Variants in CAMTA1 observed in about 807,000 individuals in gnomAD.
CAMTA1 encodes the protein calmodulin binding transcription activator 1, also known as calmodulin-binding transcription activator 1.
A neutral mutation model predicts 170.9 loss-of-function variants in CAMTA1; 27 were observed. The ratio of observed to expected loss-of-function variants is 0.16; its 90% CI spans 0.12 to 0.22. The LOEUF is 0.22. CAMTA1 is among the 10% of genes least tolerant of loss of function. The probability of loss-of-function intolerance (pLI) is 1.00; values close to 1 mark genes in which losing one functional copy is unlikely to be tolerated. For missense variants in CAMTA1, 1,619 were observed against 2,217.2 expected (o/e 0.73, Z 5.42); for synonymous variants, 833 against 891.5 (o/e 0.93, Z 1.17).
intron 3 of CAMTA1, among the ~76,000 whole-genome samples, chr1:6,931,185 G>A (rs1244784009): frequency 1.3e-5 from 2 of 152,194 alleles, no homozygotes; most frequent in Non-Finnish European, 2.9e-5. Context: ...CCCCTAGGGA[G>A]CTTACTTTTA....
At chr1:7,729,396 G>A (rs946114545) in intron 11 of CAMTA1, among the ~76,000 whole-genome samples, 1 of 152,128 alleles carries the variant, frequency 6.6e-6, no homozygotes, top group South Asian at 2.1e-4. Context: ...GATTACAGGC[G>A]TGAGCCACCT....
chr1:7,324,638 T>G (rs918196196), intron 5 of CAMTA1, among the ~76,000 whole-genome samples: 1 of 151,950 alleles, frequency 6.6e-6, no homozygotes, highest in Admixed American at 6.6e-5. Flanking sequence ...TGAAACCCCA[T>G]CTCTACTAAA....
intron 5 of CAMTA1, among the ~76,000 whole-genome samples, chr1:7,310,755 C>T (rs1676602727): frequency 1.4e-5 from 2 of 139,920 alleles, no homozygotes; most frequent in African/African-American, 2.7e-5. Context: ...TTTTTTAAGA[C>T]AGTCTTGCTC....
chr1:7,400,901 G>C (rs1313263572), intron 5 of CAMTA1, among the ~76,000 whole-genome samples: 1 of 152,154 alleles, frequency 6.6e-6, no homozygotes, highest in East Asian at 1.9e-4. Flanking sequence ...ATATATTCTA[G>C]ATACAAGTCA....
intron 6 of CAMTA1, among the ~76,000 whole-genome samples, chr1:7,479,022 G>A (rs1226391344): frequency 6.6e-6 from 1 of 152,218 alleles, no homozygotes; most frequent in East Asian, 1.9e-4. Flanking sequence ...TGCAGTGGAA[G>A]ACGTGGGCGG....
chr1:6,914,757 G>A (rs938557817), intron 3 of CAMTA1, among the ~76,000 whole-genome samples: 4 of 152,214 alleles, frequency 2.6e-5, no homozygotes, highest in Admixed American at 6.5e-5. Context: ...GGGCTGAGGC[G>A]CTCATGTGGC....
intron 3 of CAMTA1, among the ~76,000 whole-genome samples, chr1:6,901,442 C>T (rs1174049131): frequency 1.3e-5 from 2 of 152,096 alleles, no homozygotes; most frequent in Admixed American, 6.5e-5. Flanking sequence ...AATGAAAAAA[C>T]AAGCCACAGA....
intron 3 of CAMTA1, among the ~76,000 whole-genome samples, chr1:6,841,829 C>A (rs190626169): frequency 6.6e-6 from 1 of 152,286 alleles, no homozygotes; most frequent in Admixed American, 6.5e-5. Context: ...TTTAATAGAA[C>A]AGCAGAAGGT....
rs1406042372 is a variant in CAMTA1 at position 7,562,256 on chromosome 1, A to G, written c.511-78144A>G. Among the ~76,000 whole-genome samples the G allele has an allele frequency of 1.3e-5, 2 of 152,184 alleles. No homozygotes were observed. Among genetic ancestry groups the G allele is most frequent in the Non-Finnish European group, 2.9e-5 (2 of 68,026 alleles). On this transcript the variant is annotated intron_variant, in intron 6 of 22. Coordinates refer to ENST00000303635, the MANE Select transcript of CAMTA1 (RefSeq NM_015215.4). The surrounding 1 kb of genome is among the most constrained non-coding windows in gnomAD (Gnocchi z 4.8). Reference sequence around the variant, plus strand: ...AACTTTAAAGAATGTGTGTTAGACAACTGTCACTCAGCATATTTGATGGTG... The same window carrying G: ...AACTTTAAAGAATGTGTGTTAGACAGCTGTCACTCAGCATATTTGATGGTG...
chr1:7,020,989 A>G (rs1044682651), intron 3 of CAMTA1, among the ~76,000 whole-genome samples: 1 of 152,250 alleles, frequency 6.6e-6, no homozygotes, highest in East Asian at 1.9e-4. Flanking sequence ...TGCATCCTGC[A>G]GGGGTGTGGG....
intron 6 of CAMTA1, among the ~76,000 whole-genome samples, chr1:7,511,590 A>G (rs2094202292): frequency 1.3e-5 from 2 of 152,184 alleles, no homozygotes; most frequent in Admixed American, 6.5e-5. Flanking sequence ...GGCATTCCCC[A>G]CATCCCGGGG....
chr1:7,533,434 G>A (rs1168383342), intron 6 of CAMTA1, among the ~76,000 whole-genome samples: 1 of 152,348 alleles, frequency 6.6e-6, no homozygotes, highest in East Asian at 1.9e-4. Context: ...ACCTCTGATA[G>A]CTTTATCCCC....
intron 3 of CAMTA1, among the ~76,000 whole-genome samples, chr1:7,003,900 A>G (rs1698604648): frequency 6.6e-6 from 1 of 152,146 alleles, no homozygotes; most frequent in South Asian, 2.1e-4. Context: ...CAGACAAGAG[A>G]TTATTCATCA....
chr1:7,175,287 T>C (rs1031284035), intron 4 of CAMTA1, among the ~76,000 whole-genome samples: 3 of 152,348 alleles, frequency 2.0e-5, no homozygotes, highest in East Asian at 3.9e-4. Flanking sequence ...GAATATGTGA[T>C]GGAGACAGAT....
chr1:7,001,856 T>G (rs1698245336), intron 3 of CAMTA1, among the ~76,000 whole-genome samples: 1 of 152,038 alleles, frequency 6.6e-6, no homozygotes, highest in South Asian at 2.1e-4. Context: ...GCGTTTGCAC[T>G]TAATTACAAC....
chr1:7,174,145 C>T (rs746860169), intron 4 of CAMTA1, among the ~76,000 whole-genome samples: 1 of 152,152 alleles, frequency 6.6e-6, no homozygotes, highest in Non-Finnish European at 1.5e-5. Flanking sequence ...GCTCTCTGGG[C>T]CTTATATCCC....
chr1:7,409,291 T>C (rs1353249271), intron 5 of CAMTA1, among the ~76,000 whole-genome samples: 1 of 152,090 alleles, frequency 6.6e-6, no homozygotes, highest in African/African-American at 2.4e-5. Context: ...CGAATACTTC[T>C]TCTTGGAGGG....
Position 7,320,253 on chromosome 1 carries a change from ATTC to A in CAMTA1, c.438+70630_438+70632del, listed in dbSNP as rs1481802754. On this transcript the variant is annotated intron_variant, in intron 5 of 22. Transcript: ENST00000303635. ...TACTTGCTGTAAAGTTTTAGTATGT[ATTC>A]TTTATCAGATTGAGGAAGTTCTCTT... Among the ~76,000 whole-genome samples, 9 of 152,322 alleles carry A rather than the reference ATTC, an allele frequency of 5.9e-5. 1 individual carries two copies. Among genetic ancestry groups the A allele is most frequent in the African/African-American group, 2.2e-4 (9 of 41,576 alleles).
intron 5 of CAMTA1, among the ~76,000 whole-genome samples, chr1:7,356,975 C>T (rs1478921837): frequency 1.3e-5 from 2 of 152,204 alleles, no homozygotes; most frequent in East Asian, 3.9e-4. Context: ...CACTCAGCTC[C>T]CTTCCCCCCT....
Sources: allele counts gnomAD v4.1 joint callset (sites outside exome capture counted in the v4.1 genomes callset), GRCh38; gene constraint gnomAD v4.1.1; non-coding constraint Gnocchi (gnomAD v3.1); transcripts MANE v1.5; gene names NCBI Gene and HGNC (gene_info 2026-07-23, HGNC 2026-07-21).